The following DCC variants were observed in gnomAD, a reference collection of about 807,000 sequenced individuals.
The protein encoded by DCC is DCC netrin 1 receptor.
A neutral mutation model predicts 172.5 loss-of-function variants in DCC; 58 were observed. The observed-to-expected ratio is 0.34, with a 90% CI of 0.27 to 0.42. DCC has a LOEUF of 0.42. DCC is among the 10% of genes least tolerant of loss of function. The pLI is 1.00. For missense variants in DCC, 1,740 were observed against 1,791.0 expected, an observed-to-expected ratio of 0.97 and a Z score of 0.51; for synonymous variants, 709 against 644.5, an observed-to-expected ratio of 1.10 and a Z score of -1.52.
At chr18:52,547,333 T>G (rs565232166) in intron 1 of DCC, among the ~76,000 whole-genome samples, 1 of 152,174 alleles carries the variant, frequency 6.6e-6, no homozygotes, top group African/African-American at 2.4e-5. Context: ...ATGGAACTAT[T>G]GTAAATTGGG....
chr18:53,066,026 C>G lies in DCC; in HGVS notation c.1141-20C>G, dbSNP rs1273045514. 8.1e-6 allele frequency: 13 copies of G among 1,611,844 alleles called. No homozygotes were observed. Among genetic ancestry groups the G allele is most frequent in the Non-Finnish European group, 1.1e-5 (13 of 1,178,692 alleles). Reference sequence around the variant, plus strand: ...TTTTTTGCTTTCTAAAATACTTTACCTGCTTTTTCTTTTCCCTAGGGAGGA... The same window carrying G: ...TTTTTTGCTTTCTAAAATACTTTACGTGCTTTTTCTTTTCCCTAGGGAGGA... On this transcript the variant is annotated intron_variant, in intron 6 of 28. Coordinates refer to ENST00000442544, the MANE Select transcript of DCC (RefSeq NM_005215.4).
At chr18:53,067,471 A>G (rs1289931184) in intron 7 of DCC, among the ~76,000 whole-genome samples, 2 of 152,184 alleles carry the variant, frequency 1.3e-5, no homozygotes, top group African/African-American at 4.8e-5. Flanking sequence ...GCAGTGAGCT[A>G]TGATCACACT....
chr18:52,448,590 G>T (rs901206830), intron 1 of DCC, among the ~76,000 whole-genome samples: 1 of 152,138 alleles, frequency 6.6e-6, no homozygotes, highest in Non-Finnish European at 1.5e-5. Flanking sequence ...GATTGAAATG[G>T]TTAGGTAGGT....
chr18:52,590,986 A>G (rs1887205001), intron 1 of DCC, among the ~76,000 whole-genome samples: 1 of 152,240 alleles, frequency 6.6e-6, no homozygotes, highest in South Asian at 2.1e-4. Flanking sequence ...ACTGAATGCA[A>G]TTCAGCCAAC....
At chr18:52,630,353 G>A (rs2034652007) in intron 1 of DCC, among the ~76,000 whole-genome samples, 1 of 152,200 alleles carries the variant, frequency 6.6e-6, no homozygotes, top group East Asian at 1.9e-4. Context: ...CTAAATGTGA[G>A]GTATTATGAA....
intron 14 of DCC, among the ~76,000 whole-genome samples, chr18:53,335,084 C>T (rs1253814037): frequency 6.6e-6 from 1 of 152,158 alleles, no homozygotes; most frequent in Admixed American, 6.5e-5. Context: ...TTTTCATTCT[C>T]TCTCTTACCC....
At chr18:52,962,913 C>T (rs934192274) in intron 5 of DCC, among the ~76,000 whole-genome samples, 2 of 135,346 alleles carry the variant, frequency 1.5e-5, no homozygotes, top group African/African-American at 5.7e-5. Context: ...AATGAGAACA[C>T]ATGGACACAG....
intron 2 of DCC, among the ~76,000 whole-genome samples, chr18:52,839,859 G>A (rs986956405): frequency 6.6e-6 from 1 of 152,184 alleles, no homozygotes; most frequent in African/African-American, 2.4e-5. Context: ...TGGTTAGTTG[G>A]AAGCTGAGTG....
At position 52,432,033 on chromosome 18, in the gene DCC, G is replaced by C. The variant is rs80078379; in HGVS notation, c.91+91155G>C. Among the ~76,000 whole-genome samples, 264 of 152,160 alleles carry C rather than the reference G, an allele frequency of 1.7e-3. 6 individuals carry two copies. In the East Asian group the frequency reaches 0.042, roughly 24 times the overall value. On this transcript the variant is annotated intron_variant, in intron 1 of 28. Coordinates refer to ENST00000442544, the MANE Select transcript of DCC (RefSeq NM_005215.4). ...TCTTCTTCCTCCTATTTTATCTCTA[G>C]CACACACTTTGCTGCACTGTTTGCC...
chr18:53,467,419 G>A (rs1402979561), intron 24 of DCC, among the ~76,000 whole-genome samples: 1 of 151,914 alleles, frequency 6.6e-6, no homozygotes, highest in Non-Finnish European at 1.5e-5. Context: ...TTTATTTCTT[G>A]TGGGTTTTTT....
At chr18:53,156,530 A>G (rs1363857493) in intron 7 of DCC, among the ~76,000 whole-genome samples, 1 of 151,950 alleles carries the variant, frequency 6.6e-6, no homozygotes, top group Non-Finnish European at 1.5e-5. Context: ...ATTTTTTAAT[A>G]CATAAGAAGA....
intron 13 of DCC, among the ~76,000 whole-genome samples, chr18:53,309,902 C>T (rs1312916640): frequency 3.4e-5 from 5 of 145,558 alleles, no homozygotes; most frequent in South Asian, 2.2e-4. Flanking sequence ...CTGAGATTTA[C>T]TGCAAACATA....
At chr18:52,817,489 C>T (rs1392665273) in intron 2 of DCC, among the ~76,000 whole-genome samples, 2 of 151,994 alleles carry the variant, frequency 1.3e-5, no homozygotes, top group African/African-American at 4.8e-5. Context: ...TATTTTGCTA[C>T]CTTCTCATAT....
chr18:52,540,573 C>G (rs2032409820), intron 1 of DCC, among the ~76,000 whole-genome samples: 1 of 143,638 alleles, frequency 7.0e-6, no homozygotes, highest in Non-Finnish European at 1.5e-5. Context: ...GTGTTATTCA[C>G]TACCGTTAGG....
chr18:52,389,994 G>A (rs996777190), intron 1 of DCC, among the ~76,000 whole-genome samples: 16 of 151,970 alleles, frequency 1.1e-4, no homozygotes, highest in African/African-American at 3.9e-4. Context: ...GAGAGACTGA[G>A]ACTTACATTA....
chr18:53,108,075 G>T (rs966647604), intron 7 of DCC, among the ~76,000 whole-genome samples: 3 of 151,622 alleles, frequency 2.0e-5, no homozygotes, highest in African/African-American at 7.3e-5. Context: ...TTTAGAAACT[G>T]CCAGTTTATA....
rs534369368 is a variant in DCC at position 52,459,580 on chromosome 18, G to A, written c.91+118702G>A. Among the ~76,000 whole-genome samples, 3 of 151,872 alleles carry A rather than the reference G, an allele frequency of 2.0e-5. No individual in the cohort carries two copies. The East Asian group carries it at 5.9e-4, about 30-fold the overall frequency. ...CCTCCCGGGTTCATGCCATTCTTCT[G>A]CCTCAGCCTCCCCAGTAGCTGGGAC... On this transcript the variant is annotated intron_variant, in intron 1 of 28. Coordinates refer to ENST00000442544, the MANE Select transcript of DCC (RefSeq NM_005215.4).
At chr18:52,747,990 G>T (rs1036783697) in intron 1 of DCC, among the ~76,000 whole-genome samples, 1 of 152,180 alleles carries the variant, frequency 6.6e-6, no homozygotes, top group Non-Finnish European at 1.5e-5. Flanking sequence ...CGAGCTGGCC[G>T]CTGAGCTGGT....
At position 52,729,552 on chromosome 18, in the gene DCC, G is replaced by T. The variant is rs141733870; in HGVS notation, c.92-22502G>T. ...TGGGATTACAGGCCTGAGCCACCATGCCCAGCCATTTGTCTTCTCTTTCAA... is the reference window on the plus strand; with the variant it reads ...TGGGATTACAGGCCTGAGCCACCATTCCCAGCCATTTGTCTTCTCTTTCAA... On this transcript the variant is annotated intron_variant, in intron 1 of 28. Coordinates refer to ENST00000442544, the MANE Select transcript of DCC (RefSeq NM_005215.4). 7.4e-4 allele frequency among the ~76,000 whole-genome samples: 113 copies of T among 152,282 alleles called. No homozygotes were observed. In the East Asian group the frequency reaches 0.014, roughly 19 times the overall value.
Sources: gnomAD v4.1 joint callset for allele counts (sites outside exome capture counted in the v4.1 genomes callset) on GRCh38, gnomAD v4.1.1 for gene constraint, MANE v1.5 for transcripts, NCBI Gene and HGNC (gene_info 2026-07-23, HGNC 2026-07-21) for gene names.